The following SUPT5H variants were observed in gnomAD, a reference collection of about 807,000 sequenced individuals.
The protein encoded by SUPT5H is SPT5 homolog, DSIF elongation factor subunit, also known as transcription elongation factor SPT5.
A neutral mutation model predicts 142.5 loss-of-function variants in SUPT5H; 24 were observed. That is an observed-to-expected ratio of 0.17 (90% CI 0.12 to 0.24). The LOEUF (loss-of-function observed/expected upper bound fraction) is 0.24. SUPT5H is among the 10% of genes least tolerant of loss of function. The pLI, the probability that SUPT5H is intolerant of heterozygous loss-of-function variation, is 1.00. For missense variants in SUPT5H, 893 were observed against 1,471.8 expected (o/e 0.61, Z 6.43); for synonymous variants, 546 against 553.0 (o/e 0.99, Z 0.18).
chr19:39,469,233 C>T lies in SUPT5H; in HGVS notation c.1238-29C>T. Reference sequence around the variant, plus strand: ...CAGGGGCGGCCCATGGTGGCAACCCCCGAGTCAGCCCTACGACTGCCCCTG... The same window carrying T: ...CAGGGGCGGCCCATGGTGGCAACCCTCGAGTCAGCCCTACGACTGCCCCTG... On this transcript the variant is annotated intron_variant, in intron 15 of 29. Transcript: ENST00000432763. The surrounding 1 kb of genome is among the most constrained non-coding windows in gnomAD (Gnocchi z 5.1). The T allele has an allele frequency of 6.2e-7, 1 of 1,614,186 alleles. No homozygotes were observed. Among genetic ancestry groups the T allele is most frequent in the East Asian group, 2.2e-5 (1 of 44,888 alleles).
At chr19:39,455,354 G>A (rs943397622) in intron 3 of SUPT5H, among the ~76,000 whole-genome samples, 1 of 152,094 alleles carries the variant, frequency 6.6e-6, no homozygotes, top group Non-Finnish European at 1.5e-5. Context: ...CTGAGGTTAG[G>A]AGTTCGAGAC....
chr19:39,476,640 T>C lies in SUPT5H; in HGVS notation c.*241T>C. ...CACAGCTTGCTTTTGTTGTACCGTC[T>C]TTCAATAAAAAGAAGCTGTTTGGTC... On this transcript the variant is annotated 3_prime_UTR_variant, in exon 30 of 30. Coordinates refer to ENST00000432763, the MANE Select transcript of SUPT5H (RefSeq NM_001111020.3). 1.8e-6 allele frequency: 1 copy of C among 556,568 alleles called. No homozygotes were observed. The allele number at this position is 556,568 out of a possible 1,614,324, so 34.5% of individuals were successfully genotyped here.
rs2079289975 is a variant in SUPT5H at position 39,469,543 on chromosome 19, A to G, written c.1374+145A>G. 8.2e-7 allele frequency: 1 copy of G among 1,223,518 alleles called. No homozygotes were observed. The highest frequency in any genetic ancestry group is 1.4e-5 in the South Asian group (1 of 69,422). 75.8% of individuals were successfully genotyped at this position (1,223,518 alleles called of 1,614,324 possible). A position where few individuals can be genotyped will look rare whatever the true frequency, so the allele number is the denominator to read the frequency against. On this transcript the variant is annotated intron_variant, in intron 16 of 29. Transcript: ENST00000432763. This position sits in a 1 kb window ranked among gnomAD's most constrained non-coding sequence, Gnocchi z 5.1. ...CTTCTAGCATTCTCAGGTGCCTGAG[A>G]GGCTCTGTCTGAGTGCAGCTCAGGG...
chr19:39,454,876 G>C (rs1484818639), intron 3 of SUPT5H, among the ~76,000 whole-genome samples: 2 of 152,196 alleles, frequency 1.3e-5, no homozygotes, highest in Non-Finnish European at 2.9e-5. Flanking sequence ...TGGAGAGCAA[G>C]AGAATGGATA....
Position 39,474,012 on chromosome 19 carries a change from C to T in SUPT5H, c.2542C>T (p.Pro848Ser), listed in dbSNP as rs1180760135. The change falls in exon 26 of 30, where the codon CCG becomes TCG. Residue 848 changes from proline to serine, a missense_variant. Physicochemically the swap from Pro to Ser is moderately conservative, Grantham distance 74. This residue lies in a region of SUPT5H where 336 missense variants were observed against 546.5 expected (regional missense o/e 0.61). Coordinates refer to ENST00000432763, the MANE Select transcript of SUPT5H (RefSeq NM_001111020.3). This position sits in a 1 kb window ranked among gnomAD's most constrained non-coding sequence, Gnocchi z 6.5. ...TTTCGATGATGAGCCCACCCCGTCC[C>T]CGCAGGCCTATGGGGGAACCCCCAA... The part of the protein sequence containing the change: ...YAFDDEPTPS[P>S]QAYGGTPNPQ... 6.2e-7 allele frequency: 1 copy of T among 1,613,900 alleles called. No homozygotes were observed. The highest frequency in any genetic ancestry group is 8.5e-7 in the Non-Finnish European group (1 of 1,179,882).
chr19:39,469,277 A>G lies in SUPT5H; in HGVS notation c.1253A>G (p.His418Arg), dbSNP rs1237365290. Residue 418 changes from histidine (H) to arginine (R), a missense_variant, in exon 16 of 30, where the codon CAC becomes CGC. By Grantham distance (29) the His-to-Arg change is conservative. Around this residue, in one of 6 missense-constraint regions of SUPT5H, gnomAD observed 428 missense variants for 763.5 expected, o/e 0.56. Coordinates refer to ENST00000432763, the MANE Select transcript of SUPT5H (RefSeq NM_001111020.3). This position sits in a 1 kb window ranked among gnomAD's most constrained non-coding sequence, Gnocchi z 5.1. ...VTESTGKERE[H>R]NFQPGDNVEV... ...GCCCCTGCAGGGAAGGAGCGGGAGC[A>G]CAACTTCCAACCTGGGGACAACGTG... 1.2e-6 allele frequency: 2 copies of G among 1,614,212 alleles called. No individual in the cohort carries two copies. The highest frequency in any genetic ancestry group is 1.6e-4 in the Middle Eastern group (1 of 6,062).
rs770197182 is a variant in SUPT5H at position 39,464,833 on chromosome 19, T to C, written c.660T>C (p.His220=). The change falls in exon 11 of 30, where the codon CAT becomes CAC. Residue 220 remains histidine, a synonymous_variant. Transcript: ENST00000432763. ...TCAAGTCAGTAGTGGCACCAGAGCA[T>C]GTGAAGGGCTACATCTACGTGGAGG... ...LQIKSVVAPE[H]VKGYIYVEAY... 1.2e-6 allele frequency: 2 copies of C among 1,613,378 alleles called. No homozygotes were observed. Among genetic ancestry groups the C allele is most frequent in the African/African-American group, 2.7e-5 (2 of 74,910 alleles).
intron 2 of SUPT5H, among the ~76,000 whole-genome samples, chr19:39,447,954 T>C (rs568934507): frequency 6.6e-6 from 1 of 152,306 alleles, no homozygotes; most frequent in East Asian, 1.9e-4. Context: ...TTGCCAATGC[T>C]TGTGAGGGAG....
intron 10 of SUPT5H, among the ~76,000 whole-genome samples, chr19:39,461,839 A>T (rs988870406): frequency 1.5e-5 from 2 of 131,254 alleles, no homozygotes; most frequent in African/African-American, 3.3e-5. Flanking sequence ...AAAAAAAAAA[A>T]ATAATAATAA....
intron 20 of SUPT5H, chr19:39,471,947 G>A: frequency 2.9e-6 from 2 of 690,526 alleles, no homozygotes; most frequent in Non-Finnish European, 4.6e-6. Flanking sequence ...CTGAGCACCT[G>A]TTAGGTGCCA....
In SUPT5H at chr19:39,454,122, C is replaced by G. The variant is rs144138610; in HGVS notation, c.241+601C>G. On this transcript the variant is annotated intron_variant, in intron 3 of 29. Transcript: ENST00000432763. ...TGAGTGTAAATGCTGCCTTGAGATA[C>G]CTATAGCTGTAATGTGCTGTGAAAG... Among the ~76,000 whole-genome samples the G allele has an allele frequency of 2.6e-3, 395 of 152,278 alleles. 1 individual carries two copies. The highest frequency in any genetic ancestry group is 8.7e-3 in the African/African-American group (363 of 41,532).
intron 10 of SUPT5H, among the ~76,000 whole-genome samples, chr19:39,463,939 A>G (rs922677270): frequency 1.1e-4 from 16 of 147,794 alleles, no homozygotes; most frequent in African/African-American, 3.8e-4. Context: ...CTTAAAGTAT[A>G]TTTTGTCTGA....
intron 10 of SUPT5H, among the ~76,000 whole-genome samples, chr19:39,462,796 G>A (rs1432738859): frequency 6.8e-6 from 1 of 146,026 alleles, no homozygotes. Flanking sequence ...CTCCCAAAGT[G>A]TTGGGATTAC....
At chr19:39,471,792 C>T in intron 20 of SUPT5H, 62 bp downstream of exon 20, 1 of 1,566,254 alleles carries the variant, frequency 6.4e-7, no homozygotes, top group South Asian at 1.2e-5. Context: ...CAAGCCTCCT[C>T]TGGCCCCAGA....
chr19:39,474,999 T>G lies in SUPT5H; in HGVS notation c.3024+281T>G. The G allele has an allele frequency of 4.0e-6, 2 of 501,556 alleles. No individual in the cohort carries two copies. Among genetic ancestry groups the G allele is most frequent in the South Asian group, 2.2e-5 (1 of 46,372 alleles). The allele number at this position is 501,556 out of a possible 1,614,324, so 31.1% of individuals were successfully genotyped here. A position where few individuals can be genotyped will look rare whatever the true frequency, so the allele number is the denominator to read the frequency against. On this transcript the variant is annotated intron_variant, in intron 28 of 29. Coordinates refer to ENST00000432763, the MANE Select transcript of SUPT5H (RefSeq NM_001111020.3). The surrounding 1 kb of genome is among the most constrained non-coding windows in gnomAD (Gnocchi z 6.5). Reference sequence around the variant, plus strand: ...GTGACTGGGGTGAGTGAGTTCCAAATGGAGGGAACTGCATGTGCAGAGGCC... The same window carrying G: ...GTGACTGGGGTGAGTGAGTTCCAAAGGGAGGGAACTGCATGTGCAGAGGCC...
In SUPT5H at chr19:39,468,849, C is replaced by T; in HGVS notation, c.1131C>T (p.Ala377=). Residue 377 remains alanine, a synonymous_variant, in exon 14 of 30, where the codon GCC becomes GCT. Transcript: ENST00000432763. ...AGGGCTTTCTGTTCAAGAGCTTCGC[C>T]ATGTCTGCTGTGGTGAGGGTCCCAG... The part of the protein sequence containing the change: ...SRKGFLFKSF[A]MSAVITEGVK... 1 of 1,614,100 alleles carries T rather than the reference C, an allele frequency of 6.2e-7. No homozygotes were observed. The highest frequency in any genetic ancestry group is 8.5e-7 in the Non-Finnish European group (1 of 1,180,002).
At position 39,469,478 on chromosome 19, in the gene SUPT5H, GCCTGGTGACA is replaced by G; in HGVS notation, c.1374+87_1374+96del. 2 of 1,589,272 alleles carry G rather than the reference GCCTGGTGACA, an allele frequency of 1.3e-6. No homozygotes were observed. The highest frequency in any genetic ancestry group is 2.2e-5 in the South Asian group (2 of 89,094). The stretch of plus-strand genomic sequence containing the variant: ...TATGTGGCTGTCGAGGCGGTGGTGT[GCCTGGTGACA>G]CCTGGTTTCCAGGAGGGTAAGTTGA... On this transcript the variant is annotated intron_variant, in intron 16 of 29. Transcript: ENST00000432763. The surrounding 1 kb of genome is among the most constrained non-coding windows in gnomAD (Gnocchi z 5.1).
chr19:39,468,150 G>A (rs1366781650), intron 13 of SUPT5H: 1 of 152,782 alleles, frequency 6.5e-6, no homozygotes, highest in Non-Finnish European at 1.5e-5. Context: ...CACATTTGGG[G>A]CCGGGAGCTG....
chr19:39,450,475 G>A (rs2079007539), intron 2 of SUPT5H, among the ~76,000 whole-genome samples: 1 of 152,178 alleles, frequency 6.6e-6, no homozygotes, highest in Non-Finnish European at 1.5e-5. Context: ...AACCAGCATG[G>A]ATGATGGCCA....
Sources: gnomAD v4.1 joint callset for allele counts (sites outside exome capture counted in the v4.1 genomes callset) on GRCh38, gnomAD v4.1.1 for gene constraint, gnomAD v4.1.1 regional missense constraint, Gnocchi (gnomAD v3.1) non-coding constraint, MANE v1.5 for transcripts, NCBI Gene and HGNC (gene_info 2026-07-23, HGNC 2026-07-21) for gene names.